Variants in GLS2 observed in about 807,000 individuals in gnomAD.
GLS2 encodes glutaminase liver isoform, mitochondrial.
In GLS2, 52 loss-of-function variants were observed where a neutral mutation model predicts 79.0. The observed-to-expected ratio is 0.66, with a 90% CI of 0.53 to 0.83. The LOEUF (loss-of-function observed/expected upper bound fraction) is 0.83, where lower values mean the gene tolerates loss of function less well. Ranked by LOEUF, GLS2 falls within the 40% of genes least tolerant of loss-of-function variation. GLS2 has a pLI of 0.00. For synonymous variants in GLS2, 238 were observed against 280.8 expected (o/e 0.85, Z 1.52); for missense variants, 561 against 764.8 (o/e 0.73, Z 3.14).
At chr12:56,478,986 GAAAAAAA>G (rs34646954) in intron 4 of GLS2, 59 bp downstream of exon 4, 24 of 1,355,114 alleles carry the variant, frequency 1.8e-5, no homozygotes, top group African/African-American at 3.4e-5. Context: ...TCTGTCTCAG[GAAAAAAA>G]AAAAAAAAAA....
At chr12:56,475,874 A>C in intron 8 of GLS2, 71 bp downstream of exon 8, 3 of 1,550,344 alleles carry the variant, frequency 1.9e-6, no homozygotes, top group Non-Finnish European at 2.7e-6. Context: ...TTAGAGAGCC[A>C]CTGGGGCAGC....
At chr12:56,486,628 G>T (rs528161554) in intron 1 of GLS2, among the ~76,000 whole-genome samples, 1 of 152,194 alleles carries the variant, frequency 6.6e-6, no homozygotes, top group African/African-American at 2.4e-5. Flanking sequence ...ATCACCTGAA[G>T]TCAGGAGTTC....
intron 1 of GLS2, among the ~76,000 whole-genome samples, chr12:56,487,212 CG>C (rs961363862): frequency 6.6e-6 from 1 of 152,078 alleles, no homozygotes; most frequent in African/African-American, 2.4e-5. Context: ...GTGTCCTAGG[CG>C]GTGGGGAAGA....
intron 1 of GLS2, among the ~76,000 whole-genome samples, chr12:56,486,208 G>T (rs1870673967): frequency 6.6e-6 from 1 of 152,056 alleles, no homozygotes; most frequent in African/African-American, 2.4e-5. Context: ...TGCCTGGGGA[G>T]CACCAGTCCG....
chr12:56,473,493 C>A lies in GLS2; in HGVS notation c.1326G>T (p.Gly442=), dbSNP rs775423724. 10 of 1,613,832 alleles carry A rather than the reference C, an allele frequency of 6.2e-6. No individual in the cohort carries two copies. In the South Asian group the frequency reaches 1.1e-4, roughly 18 times the overall value. ...AGAAGCTGGTCCCCCTATGGCTGTT[C>A]CCCAGCTTGTCCAATGGGGGTGACA... ...MCLSPPLDKL[G]NSHRGTSFCQ... Residue 442 remains glycine (G), a synonymous_variant, in exon 13 of 18, where the codon GGG becomes GGT. Coordinates refer to ENST00000311966, the MANE Select transcript of GLS2 (RefSeq NM_013267.4).
chr12:56,476,151 C>G (rs566658568), intron 7 of GLS2, 174 bp from the exon 8 acceptor site: 2 of 580,860 alleles, frequency 3.4e-6, no homozygotes, highest in Non-Finnish European at 6.0e-6. Context: ...CCATTGGCTC[C>G]TCTCTTTCTC....
Position 56,474,637 on chromosome 12 carries a change from G to A in GLS2, c.1131C>T (p.Gly377=), listed in dbSNP as rs769254328. The A allele has an allele frequency of 1.7e-5, 27 of 1,614,128 alleles. No homozygotes were observed. Among genetic ancestry groups the A allele is most frequent in the East Asian group, 2.2e-5 (1 of 44,884 alleles). ...CTGCTTCAGCACTCAGCACACTCTC[G>A]CCTGTGATGGGGCAGATCCCACCGT... ...LANGGICPIT[G]ESVLSAEAVR... is the part of the protein sequence containing the mutation. The change falls in exon 12 of 18, where the codon GGC becomes GGT. Residue 377 remains glycine (G), a synonymous_variant. Transcript: ENST00000311966.
chr12:56,477,601 A>T, intron 7 of GLS2, 59 bp downstream of exon 7: 2 of 1,523,420 alleles, frequency 1.3e-6, no homozygotes, highest in Non-Finnish European at 1.8e-6. Flanking sequence ...AATATGAGGG[A>T]TACAGGAACA....
chr12:56,473,583 T>A lies in GLS2; in HGVS notation c.1236A>T (p.Pro412=). The change falls in exon 13 of 18, where the codon CCA becomes CCT. Residue 412 remains proline, a synonymous_variant. Coordinates refer to ENST00000311966, the MANE Select transcript of GLS2 (RefSeq NM_013267.4). Reference sequence around the variant, plus strand: ...TGGCTCCTGATACAGCTGACTTGGCTGGCAGGCCCACCTGGGGAACAGAAC... The same window carrying A: ...TGGCTCCTGATACAGCTGACTTGGCAGGCAGGCCCACCTGGGGAACAGAAC... ...SGQFAFHVGL[P]AKSAVSGAIL... 6.2e-7 allele frequency: 1 copy of A among 1,610,530 alleles called. No homozygotes were observed. Among genetic ancestry groups the A allele is most frequent in the Non-Finnish European group, 8.5e-7 (1 of 1,178,920 alleles).
intron 3 of GLS2, 95 bp downstream of exon 3, chr12:56,479,685 T>C: frequency 7.4e-7 from 1 of 1,353,856 alleles, no homozygotes; most frequent in East Asian, 2.5e-5. Context: ...AATGAGGAAT[T>C]GAACTATACA....
At position 56,477,952 on chromosome 12, in the gene GLS2, CTTG is replaced by C. The variant is rs773407053; in HGVS notation, c.756_758del (p.Asn252del). On this transcript the variant is annotated inframe_deletion, in exon 6 of 18. Coordinates refer to ENST00000311966, the MANE Select transcript of GLS2 (RefSeq NM_013267.4). ...GCTCACCTTCCTCATTGAGGGAGAG[CTTG>C]TTGTAGCGCAGGCCACTTGGCTCTT... The C allele has an allele frequency of 9.3e-6, 15 of 1,613,372 alleles. No individual in the cohort carries two copies. The highest frequency in any genetic ancestry group is 1.3e-5 in the Non-Finnish European group (15 of 1,179,596).
chr12:56,483,962 G>A (rs2136195034), intron 1 of GLS2, among the ~76,000 whole-genome samples: 1 of 152,146 alleles, frequency 6.6e-6, no homozygotes, highest in South Asian at 2.1e-4. Flanking sequence ...ATTTCTAGAA[G>A]ACCATTTAGG....
At chr12:56,472,780 T>C in intron 14 of GLS2, 29 bp from the exon 15 acceptor site, 1 of 1,606,536 alleles carries the variant, frequency 6.2e-7, no homozygotes, top group Non-Finnish European at 8.5e-7. Flanking sequence ...CCACATGACA[T>C]TAATTGAACT....
intron 1 of GLS2, among the ~76,000 whole-genome samples, chr12:56,486,014 C>CAAAAA (rs11414489): frequency 1.1e-5 from 1 of 93,668 alleles, no homozygotes; most frequent in Non-Finnish European, 2.0e-5. Context: ...ACTCTGTCTC[C>CAAAAA]AAAAAAAAAA....
At chr12:56,485,549 G>A (rs1565709085) in intron 1 of GLS2, among the ~76,000 whole-genome samples, 1 of 152,002 alleles carries the variant, frequency 6.6e-6, no homozygotes, top group Non-Finnish European at 1.5e-5. Context: ...ACAGGTGTGA[G>A]CCACTGCACC....
At chr12:56,486,658 C>T (rs111791019) in intron 1 of GLS2, among the ~76,000 whole-genome samples, 2,140 of 152,170 alleles carry the variant, frequency 0.014, 41 homozygotes, top group African/African-American at 0.047. Flanking sequence ...AGGGCCAACA[C>T]GGTGAAACCC....
At position 56,471,477 on chromosome 12, in the gene GLS2, T is replaced by A; in HGVS notation, c.*10A>T. ...CTTTTTCTTGAGCAGGGGCTGTCCATGACCTGTGCTCATACCATGCTTTCT... is the reference window on the plus strand; with the variant it reads ...CTTTTTCTTGAGCAGGGGCTGTCCAAGACCTGTGCTCATACCATGCTTTCT... On this transcript the variant is annotated 3_prime_UTR_variant, in exon 18 of 18. Transcript: ENST00000311966. The A allele has an allele frequency of 6.2e-7, 1 of 1,608,118 alleles. No individual in the cohort carries two copies. Among genetic ancestry groups the A allele is most frequent in the South Asian group, 1.1e-5 (1 of 90,154 alleles).
chr12:56,478,620 A>G (rs1446175228), intron 4 of GLS2: 3 of 278,506 alleles, frequency 1.1e-5, no homozygotes, highest in Admixed American at 4.9e-5. Flanking sequence ...ATAGAAACAC[A>G]TGAAGCCATG....
chr12:56,476,135 G>T, intron 7 of GLS2, 158 bp from the exon 8 acceptor site: 1 of 652,588 alleles, frequency 1.5e-6, no homozygotes. Context: ...TGAAAACACC[G>T]CACTTCCATT....
Sources: allele counts gnomAD v4.1 joint callset (sites outside exome capture counted in the v4.1 genomes callset), GRCh38; gene constraint gnomAD v4.1.1; transcripts MANE v1.5; gene names NCBI Gene and HGNC (gene_info 2026-07-23, HGNC 2026-07-21).